CCDC150: variants seen among roughly 807,000 people sequenced by gnomAD.
The protein encoded by CCDC150 is coiled-coil domain containing 150.
A neutral mutation model predicts 156.5 loss-of-function variants in CCDC150; 151 were observed. The ratio of observed to expected loss-of-function variants is 0.97; its 90% CI spans 0.85 to 1.10. The LOEUF (loss-of-function observed/expected upper bound fraction) is 1.10. Among genes scored for constraint, CCDC150 ranks in the 50% least tolerant of loss-of-function variants. CCDC150 has a pLI of 0.00. For missense variants in CCDC150, 1,312 were observed against 1,268.1 expected (o/e 1.03, Z -0.53); for synonymous variants, 452 against 429.4 (o/e 1.05, Z -0.65).
chr2:196,677,904 C>T (rs1255245896), intron 13 of CCDC150, among the ~76,000 whole-genome samples: 1 of 151,778 alleles, frequency 6.6e-6, no homozygotes, highest in Non-Finnish European at 1.5e-5. Context: ...GCAGGAGAAT[C>T]GCCTGAACCC....
intron 20 of CCDC150, 85 bp from the exon 21 acceptor site, chr2:196,721,437 G>T: frequency 1.0e-6 from 1 of 993,068 alleles, no homozygotes; most frequent in Non-Finnish European, 1.4e-6. Flanking sequence ...CTTGATGATA[G>T]AATGTGAGGA....
intron 1 of CCDC150, among the ~76,000 whole-genome samples, chr2:196,643,388 A>T (rs1416305488): frequency 6.6e-6 from 1 of 152,156 alleles, no homozygotes; most frequent in Non-Finnish European, 1.5e-5. Context: ...ATGCAAACCA[A>T]ATTCCTACCG....
At chr2:196,713,639 C>A in intron 17 of CCDC150, 1 of 1,440,170 alleles carries the variant, frequency 6.9e-7, no homozygotes, top group Non-Finnish European at 9.1e-7. Context: ...AGCCTCAAGA[C>A]CTTTAATAAA....
At chr2:196,710,308 G>A (rs578059378) in intron 15 of CCDC150, among the ~76,000 whole-genome samples, 1 of 152,284 alleles carries the variant, frequency 6.6e-6, no homozygotes, top group Non-Finnish European at 1.5e-5. Context: ...CGCCAAGCCA[G>A]GCGCAGGATA....
intron 13 of CCDC150, among the ~76,000 whole-genome samples, chr2:196,690,778 G>T (rs1055976098): frequency 4.6e-5 from 7 of 152,274 alleles, no homozygotes; most frequent in African/African-American, 1.7e-4. Flanking sequence ...TGCTTGTCTT[G>T]TGCCAGTTTT....
At chr2:196,700,563 C>T (rs1041298693) in intron 14 of CCDC150, among the ~76,000 whole-genome samples, 5 of 152,244 alleles carry the variant, frequency 3.3e-5, no homozygotes, top group Middle Eastern at 3.4e-3. Context: ...TATGTAATTT[C>T]GTGAAATATG....
intron 17 of CCDC150, 87 bp from the exon 18 acceptor site, chr2:196,718,416 A>G (rs1697667901): frequency 9.5e-7 from 1 of 1,048,926 alleles, no homozygotes; most frequent in Non-Finnish European, 1.4e-6. Context: ...ATATATTTAA[A>G]CATTTAAAAT....
chr2:196,650,238 A>G (rs1692797150), intron 2 of CCDC150, among the ~76,000 whole-genome samples: 3 of 152,198 alleles, frequency 2.0e-5, no homozygotes, highest in East Asian at 1.9e-4. Context: ...CTCTACATCT[A>G]TTGAGATGAT....
Position 196,674,289 on chromosome 2 carries a change from C to T in CCDC150, c.1078C>T (p.Leu360Phe), listed in dbSNP as rs1381191575. 13 of 1,604,200 alleles carry T rather than the reference C, an allele frequency of 8.1e-6. No homozygotes were observed. The highest frequency in any genetic ancestry group is 1.0e-5 in the Non-Finnish European group (12 of 1,175,088). ...TKKCSELSCM[L>F]QTVTMEKARI... ...AAAGTGTTCAGAGTTGAGCTGCATG[C>T]TTCAGACTGTTACTATGGAAAAAGC... is the stretch of plus-strand genomic sequence containing the variant. The change falls in exon 10 of 28, where the codon CTT (leucine) becomes TTT (phenylalanine). Residue 360 changes from leucine to phenylalanine, a missense_variant. Physicochemically the swap from Leu to Phe is conservative, Grantham distance 22. Transcript: ENST00000389175.
At chr2:196,678,613 G>A (rs973234531) in intron 13 of CCDC150, among the ~76,000 whole-genome samples, 1 of 152,052 alleles carries the variant, frequency 6.6e-6, no homozygotes, top group African/African-American at 2.4e-5. Flanking sequence ...AAAAATGTTA[G>A]TGAATGAGAG....
rs775014732 is a variant in CCDC150, at chr2:196,712,776, GGCTCTT to G, written c.1866+39_1866+44del. The G allele has an allele frequency of 6.8e-4, 1,006 of 1,482,442 alleles. 4 individuals carry two copies. The highest frequency in any genetic ancestry group is 2.8e-4 in the Non-Finnish European group (305 of 1,072,834). 91.8% of individuals were successfully genotyped at this position (1,482,442 alleles called of 1,614,324 possible). A position where few individuals can be genotyped will look rare whatever the true frequency, so the allele number is the denominator to read the frequency against. On this transcript the variant is annotated intron_variant, in intron 17 of 27. Transcript: ENST00000389175. ...GAAAGTGCTTACTTGTCAGCATGGT[GGCTCTT>G]GAAGCTAAAAACCTTTCATAGTTCA...
chr2:196,657,288 C>CATTTG, intron 4 of CCDC150, 152 bp downstream of exon 4: 1 of 716,818 alleles, frequency 1.4e-6, no homozygotes, highest in East Asian at 2.8e-5. Flanking sequence ...GGATTCTTGG[C>CATTTG]CTATGACATT....
chr2:196,657,273 T>G (rs895065052), intron 4 of CCDC150, 137 bp downstream of exon 4: 2 of 820,834 alleles, frequency 2.4e-6, no homozygotes, highest in Non-Finnish European at 3.8e-6. Flanking sequence ...GGCATGTTGA[T>G]TTGAGGATTC....
intron 17 of CCDC150, among the ~76,000 whole-genome samples, chr2:196,714,459 G>A (rs537642584): frequency 3.9e-5 from 6 of 152,180 alleles, no homozygotes; most frequent in South Asian, 2.1e-4. Context: ...TGGTGGAAGC[G>A]GGAGGAGTGT....
At chr2:196,658,923 A>G in intron 5 of CCDC150, 63 bp downstream of exon 5, 1 of 1,155,696 alleles carries the variant, frequency 8.7e-7, no homozygotes, top group East Asian at 2.5e-5. Context: ...TCAAGAAAGC[A>G]GAGAGAATGA....
Position 196,732,098 on chromosome 2 carries a change from G to A in CCDC150, c.3135G>A (p.Glu1045=). 1 of 1,613,850 alleles carries A rather than the reference G, an allele frequency of 6.2e-7. No homozygotes were observed. The highest frequency in any genetic ancestry group is 8.5e-7 in the Non-Finnish European group (1 of 1,179,810). ...ACAGGTTTGATGGTCTACAACTTGA[G>A]CTGACAAAAAACCGGTTGCAGAGGC... is the stretch of plus-strand genomic sequence containing the variant. ...FKHRFDGLQL[E]LTKNRLQRPS... Residue 1045 remains glutamate, a synonymous_variant, in exon 27 of 28, where the codon GAG becomes GAA. Coordinates refer to ENST00000389175, the MANE Select transcript of CCDC150 (RefSeq NM_001080539.2).
chr2:196,700,944 T>C (rs1319943533), intron 14 of CCDC150, among the ~76,000 whole-genome samples, 165 bp from the exon 15 acceptor site: 3 of 152,384 alleles, frequency 2.0e-5, no homozygotes, highest in African/African-American at 7.2e-5. Context: ...ATATTAGCCC[T>C]GTGATCAACT....
intron 2 of CCDC150, among the ~76,000 whole-genome samples, chr2:196,655,468 A>T (rs1693133382): frequency 6.6e-6 from 1 of 152,164 alleles, no homozygotes; most frequent in African/African-American, 2.4e-5. Flanking sequence ...AAGTCTTGGC[A>T]AGTACCAAGC....
chr2:196,719,501 GA>G lies in CCDC150; in HGVS notation c.2003del (p.Asn668ThrfsTer39). On this transcript the variant is annotated frameshift_variant, in exon 19 of 28. Transcript: ENST00000389175. LOFTEE classifies it high-confidence loss of function. ...TGTTGTTTCATTTTCTGTTAGGTGGGAAACTTTCAGCGACAATTGGCAGAAG... is the reference window on the plus strand; with the variant it reads ...TGTTGTTTCATTTTCTGTTAGGTGGGAACTTTCAGCGACAATTGGCAGAAG... ...AVEDRENKKV[G>X]NFQRQLAEAK... is the part of the protein sequence containing the mutation. The G allele has an allele frequency of 6.2e-7, 1 of 1,609,124 alleles. No individual in the cohort carries two copies. Among genetic ancestry groups the G allele is most frequent in the Non-Finnish European group, 8.5e-7 (1 of 1,177,972 alleles).
Sources: allele counts gnomAD v4.1 joint callset (sites outside exome capture counted in the v4.1 genomes callset), GRCh38; gene constraint gnomAD v4.1.1; transcripts MANE v1.5; gene names NCBI Gene and HGNC (gene_info 2026-07-23, HGNC 2026-07-21).